GANC: variants seen among roughly 807,000 people sequenced by gnomAD.
The protein encoded by GANC is glucosidase alpha, neutral C.
A neutral mutation model predicts 124.2 loss-of-function variants in GANC; 117 were observed. That is an observed-to-expected ratio of 0.94 (90% confidence interval 0.81 to 1.10). GANC has a LOEUF of 1.10. Among genes scored for constraint, GANC ranks in the 50% least tolerant of loss-of-function variants. The pLI, the probability that GANC is intolerant of heterozygous loss-of-function variation, is 0.00. For missense variants in GANC, 1,140 were observed against 1,095.0 expected, an observed-to-expected ratio of 1.04 and a Z score of -0.58; for synonymous variants, 377 against 376.8, an observed-to-expected ratio of 1.00 and a Z score of -0.01.
At chr15:42,289,638 T>A (rs2051822882) in intron 4 of GANC, among the ~76,000 whole-genome samples, 1 of 151,882 alleles carries the variant, frequency 6.6e-6, no homozygotes. Context: ...CAACAGCCTC[T>A]CAAGGATGGG....
At position 42,353,418 on chromosome 15, in the gene GANC, T is replaced by A. The variant is rs913930053; in HGVS notation, c.*1279T>A. The A allele has an allele frequency of 1.2e-5, 12 of 962,728 alleles. No individual in the cohort carries two copies. The African/African-American group carries it at 2.1e-4, about 17-fold the overall frequency. The allele number at this position is 962,728 out of a possible 1,614,324, so 59.6% of individuals were successfully genotyped here. ...GTGAACACCCCTACCCCCATACCCA[T>A]TAGCAGTGATTTTGCCCTTCCCCGT... On this transcript the variant is annotated 3_prime_UTR_variant, in exon 24 of 24. Coordinates refer to ENST00000318010, the MANE Select transcript of GANC (RefSeq NM_198141.3).
chr15:42,290,265 G>A (rs575016570), intron 4 of GANC, among the ~76,000 whole-genome samples: 2 of 152,290 alleles, frequency 1.3e-5, no homozygotes, highest in South Asian at 4.1e-4. Flanking sequence ...GCTCTGAGGT[G>A]GCTTGGCTGC....
In GANC at chr15:42,274,472, C is replaced by T; in HGVS notation, c.-10C>T. 1 of 1,610,228 alleles carries T rather than the reference C, an allele frequency of 6.2e-7. No individual in the cohort carries two copies. Among genetic ancestry groups the T allele is most frequent in the South Asian group, 1.1e-5 (1 of 89,910 alleles). The stretch of plus-strand genomic sequence containing the variant: ...GAGAGCTGGGAGCTGGTCGGAGTGA[C>T]AGAGAAGCCATGGAAGCAGCAGTGA... On this transcript the variant is annotated 5_prime_UTR_variant, in exon 1 of 24. Coordinates refer to ENST00000318010, the MANE Select transcript of GANC (RefSeq NM_198141.3).
chr15:42,273,209 A>T lies in GANC; in HGVS notation c.-1273A>T, dbSNP rs1448516280. 1 of 1,608,468 alleles carries T rather than the reference A, an allele frequency of 6.2e-7. No individual in the cohort carries two copies. The highest frequency in any genetic ancestry group is 8.5e-7 in the Non-Finnish European group (1 of 1,175,908). ...GGACCCCTTGGGCCGCCGTAGCCCCACCCCTTGCTCCTCTAGGTTCAGACG... is the reference window on the plus strand; with the variant it reads ...GGACCCCTTGGGCCGCCGTAGCCCCTCCCCTTGCTCCTCTAGGTTCAGACG... On this transcript the variant is annotated 5_prime_UTR_variant, in exon 1 of 24. Transcript: ENST00000318010.
chr15:42,282,088 C>T (rs1330206172), intron 3 of GANC, among the ~76,000 whole-genome samples: 1 of 152,024 alleles, frequency 6.6e-6, no homozygotes, highest in Non-Finnish European at 1.5e-5. Context: ...TTTGGTAGGC[C>T]GAGGCGGGCA....
At position 42,273,886 on chromosome 15, in the gene GANC, A is replaced by G; in HGVS notation, c.-596A>G. 5.1e-6 allele frequency: 1 copy of G among 194,566 alleles called. No homozygotes were observed. The highest frequency in any genetic ancestry group is 1.1e-5 in the Non-Finnish European group (1 of 92,536). The allele number at this position is 194,566 out of a possible 1,614,324, so 12.1% of individuals were successfully genotyped here. A position where few individuals can be genotyped will look rare whatever the true frequency, so the allele number is the denominator to read the frequency against. ...AAAGGCTGGAATTCGGCGGTGGTGG[A>G]GTACACGCGATTCCTAGACTGGGTA... On this transcript the variant is annotated 5_prime_UTR_variant, in exon 1 of 24. Transcript: ENST00000318010.
In GANC at chr15:42,273,470, G is replaced by T; in HGVS notation, c.-1012G>T. 1 of 1,593,088 alleles carries T rather than the reference G, an allele frequency of 6.3e-7. No homozygotes were observed. The highest frequency in any genetic ancestry group is 1.1e-5 in the South Asian group (1 of 89,454). On this transcript the variant is annotated 5_prime_UTR_variant, in exon 1 of 24. Transcript: ENST00000318010. ...GTTCGTCCCGCCTTCTTCCGGCTCT[G>T]CTCTAAGGGCGGGATTATCCGGGTC...
intron 3 of GANC, among the ~76,000 whole-genome samples, chr15:42,280,231 C>T (rs1377351795): frequency 6.6e-6 from 1 of 152,182 alleles, no homozygotes; most frequent in Non-Finnish European, 1.5e-5. Context: ...ACCCATTTTT[C>T]TGGAGTAATT....
At chr15:42,279,387 G>A (rs2051709135) in intron 3 of GANC, among the ~76,000 whole-genome samples, 1 of 152,166 alleles carries the variant, frequency 6.6e-6, no homozygotes, top group Non-Finnish European at 1.5e-5. Context: ...TGGGCCAGGG[G>A]GAACAGGGAA....
Position 42,273,720 on chromosome 15 carries a change from T to A in GANC, c.-762T>A, listed in dbSNP as rs905650387. The A allele has an allele frequency of 3.0e-6, 1 of 333,658 alleles. No homozygotes were observed. Among genetic ancestry groups the A allele is most frequent in the Non-Finnish European group, 5.8e-6 (1 of 173,780 alleles). The allele number at this position is 333,658 out of a possible 1,614,324, so 20.7% of individuals were successfully genotyped here. On this transcript the variant is annotated 5_prime_UTR_variant, in exon 1 of 24. Transcript: ENST00000318010. ...GCAGGCACCCCGTGCAGGATTTGGCTCTCTACTTCCGCTCGCCCCAGCCCT... is the reference window on the plus strand; with the variant it reads ...GCAGGCACCCCGTGCAGGATTTGGCACTCTACTTCCGCTCGCCCCAGCCCT...
At chr15:42,290,216 A>G (rs1182896224) in intron 4 of GANC, among the ~76,000 whole-genome samples, 1 of 152,260 alleles carries the variant, frequency 6.6e-6, no homozygotes, top group Non-Finnish European at 1.5e-5. Flanking sequence ...ACCAAGAGGT[A>G]GGGCCATACT....
chr15:42,349,574 G>A, intron 22 of GANC, 79 bp downstream of exon 22: 1 of 824,340 alleles, frequency 1.2e-6, no homozygotes, highest in South Asian at 1.5e-5. Context: ...CAAATGCACA[G>A]GTATGTTTTA....
rs1327467246 is a variant in GANC, at chr15:42,352,850, T to C, written c.*711T>C. ...TAAGCTATAATTAATAACAATGAAATAAATACCCATGTACCCACCACTGGA... is the reference window on the plus strand; with the variant it reads ...TAAGCTATAATTAATAACAATGAAACAAATACCCATGTACCCACCACTGGA... On this transcript the variant is annotated 3_prime_UTR_variant, in exon 24 of 24. Coordinates refer to ENST00000318010, the MANE Select transcript of GANC (RefSeq NM_198141.3). 1.8e-6 allele frequency: 1 copy of C among 565,738 alleles called. No individual in the cohort carries two copies. Among genetic ancestry groups the C allele is most frequent in the Non-Finnish European group, 2.2e-6 (1 of 446,918 alleles). The allele number at this position is 565,738 out of a possible 1,614,324, so 35.0% of individuals were successfully genotyped here.
chr15:42,274,902 A>G (rs1224677286), intron 1 of GANC, among the ~76,000 whole-genome samples: 2 of 152,160 alleles, frequency 1.3e-5, no homozygotes, highest in African/African-American at 4.8e-5. Context: ...TGTCTCCAAA[A>G]AAAAAGGATG....
chr15:42,353,285 G>T lies in GANC; in HGVS notation c.*1146G>T, dbSNP rs1439184984. The T allele has an allele frequency of 2.0e-6, 2 of 986,048 alleles. No homozygotes were observed. Among genetic ancestry groups the T allele is most frequent in the Non-Finnish European group, 2.4e-6 (2 of 830,078 alleles). The allele number at this position is 986,048 out of a possible 1,614,324, so 61.1% of individuals were successfully genotyped here. On this transcript the variant is annotated 3_prime_UTR_variant, in exon 24 of 24. Coordinates refer to ENST00000318010, the MANE Select transcript of GANC (RefSeq NM_198141.3). ...TCAGGCTTCCTCCACTTAGCAACTT[G>T]CTAACGGCCACCTCTGTGCCTTCTG...
chr15:42,345,673 A>T, intron 19 of GANC, 85 bp from the exon 20 acceptor site: 1 of 722,614 alleles, frequency 1.4e-6, no homozygotes, highest in Admixed American at 2.5e-5. Context: ...TTTGAAATCC[A>T]GGTAAGTGGA....
intron 20 of GANC, 104 bp from the exon 21 acceptor site, chr15:42,347,999 C>T (rs1158359866): frequency 1.3e-5 from 8 of 639,764 alleles, no homozygotes; most frequent in East Asian, 3.3e-5. Context: ...CCTACAAATC[C>T]GTACTTGTAG....
intron 13 of GANC, 107 bp from the exon 14 acceptor site, chr15:42,329,199 C>A: frequency 8.9e-7 from 1 of 1,127,150 alleles, no homozygotes; most frequent in Non-Finnish European, 1.3e-6. Flanking sequence ...GAGCAGAGGA[C>A]AGAGCATAGA....
intron 3 of GANC, among the ~76,000 whole-genome samples, chr15:42,281,916 G>C (rs1331708799): frequency 6.6e-6 from 1 of 152,174 alleles, no homozygotes; most frequent in Non-Finnish European, 1.5e-5. Flanking sequence ...GCCAGGTGCA[G>C]TGGCTCATGC....
Sources: gnomAD v4.1 joint callset for allele counts (sites outside exome capture counted in the v4.1 genomes callset) on GRCh38, gnomAD v4.1.1 for gene constraint, MANE v1.5 for transcripts, NCBI Gene and HGNC (gene_info 2026-07-23, HGNC 2026-07-21) for gene names.